The following RARB variants were observed in gnomAD, a reference collection of about 807,000 sequenced individuals.
RARB encodes retinoic acid receptor beta.
In RARB, 17 loss-of-function variants were observed where a neutral mutation model predicts 51.9. The observed-to-expected ratio is 0.33, with a 90% CI of 0.22 to 0.49. The LOEUF (loss-of-function observed/expected upper bound fraction) is 0.49. Ranked by LOEUF, RARB falls within the 20% of genes least tolerant of loss-of-function variation. RARB has a pLI of 0.99. For missense variants in RARB, 369 were observed against 550.8 expected (o/e 0.67, Z 3.30); for synonymous variants, 215 against 195.4 (o/e 1.10, Z -0.84).
chr3:24,936,520 T>C lies in RARB; in HGVS notation c.-380+77768T>C, dbSNP rs1438785970. Among the ~76,000 whole-genome samples, 3 of 152,336 alleles carry C rather than the reference T, an allele frequency of 2.0e-5. No individual in the cohort carries two copies. In the South Asian group the frequency reaches 6.2e-4, roughly 32 times the overall value. On this transcript the variant is annotated intron_variant, in intron 2 of 11. Transcript: ENST00000383772. ...ATCAACTCAAATGACTAATTTGATT[T>C]TCTACTTCTCTTCCTTAATCAGAAT...
chr3:25,207,119 CA>C (rs1701568640), intron 5 of RARB, among the ~76,000 whole-genome samples: 1 of 152,132 alleles, frequency 6.6e-6, no homozygotes, highest in African/African-American at 2.4e-5. Flanking sequence ...TTTTGAAGCT[CA>C]GGGGAAAATG....
At chr3:25,008,367 T>G (rs926710567) in intron 2 of RARB, among the ~76,000 whole-genome samples, 4 of 152,146 alleles carry the variant, frequency 2.6e-5, no homozygotes, top group African/African-American at 9.7e-5. Flanking sequence ...TGAATCACCA[T>G]AAATTTATTT....
At chr3:24,916,829 A>G (rs1160700826) in intron 2 of RARB, among the ~76,000 whole-genome samples, 1 of 151,746 alleles carries the variant, frequency 6.6e-6, no homozygotes, top group Non-Finnish European at 1.5e-5. Flanking sequence ...CAAAATGGGA[A>G]ACAGGCCAGG....
intron 2 of RARB, among the ~76,000 whole-genome samples, chr3:24,921,287 A>G (rs1695211439): frequency 6.6e-6 from 1 of 152,118 alleles, no homozygotes; most frequent in Admixed American, 6.5e-5. Flanking sequence ...TTTATTCTGT[A>G]GCTGAAAAAA....
chr3:25,506,738 A>G (rs958058900), intron 3 of RARB, among the ~76,000 whole-genome samples: 2 of 152,290 alleles, frequency 1.3e-5, no homozygotes, highest in African/African-American at 4.8e-5. Context: ...TTATTTACAA[A>G]AGCAGATGAA....
rs370162743 is a variant in RARB, at chr3:24,893,561, G to A, written c.-380+34809G>A. Among the ~76,000 whole-genome samples the A allele has an allele frequency of 7.9e-5, 12 of 152,234 alleles. No homozygotes were observed. In the South Asian group the frequency reaches 8.3e-4, roughly 11 times the overall value. On this transcript the variant is annotated intron_variant, in intron 2 of 11. Coordinates refer to the RARB transcript ENST00000383772. ...ATTAAAGACAGGGTCTTGCTTTGTT[G>A]TCTAGGCTGGAGTGCAGTAGATCAT... is the stretch of plus-strand genomic sequence containing the variant.
chr3:24,945,041 G>A (rs1695744680), intron 2 of RARB, among the ~76,000 whole-genome samples: 1 of 152,072 alleles, frequency 6.6e-6, no homozygotes, highest in African/African-American at 2.4e-5. Context: ...ATTCACATGG[G>A]GAACAGTGAC....
At chr3:25,289,651 C>T (rs892793702) in intron 5 of RARB, among the ~76,000 whole-genome samples, 1 of 152,168 alleles carries the variant, frequency 6.6e-6, no homozygotes, top group South Asian at 2.1e-4. Context: ...CTTTCTTCCT[C>T]GTAGTTACTT....
intron 2 of RARB, among the ~76,000 whole-genome samples, chr3:24,913,996 A>G (rs914315540): frequency 9.9e-5 from 15 of 152,224 alleles, no homozygotes; most frequent in African/African-American, 3.4e-4. Context: ...CACACAAGTC[A>G]GCCAGATGCA....
chr3:25,179,644 G>T (rs1251722360), intron 5 of RARB, among the ~76,000 whole-genome samples: 4 of 152,168 alleles, frequency 2.6e-5, no homozygotes, highest in Non-Finnish European at 2.9e-5. Context: ...GCTTAGGGAG[G>T]TCAAAGGCTT....
At chr3:24,902,787 G>A (rs1015742913) in intron 2 of RARB, among the ~76,000 whole-genome samples, 1 of 152,052 alleles carries the variant, frequency 6.6e-6, no homozygotes, top group African/African-American at 2.4e-5. Flanking sequence ...TAATTTGGCT[G>A]GTTTGACAAT....
At chr3:25,050,351 G>A (rs1028927101) in intron 2 of RARB, among the ~76,000 whole-genome samples, 3 of 151,916 alleles carry the variant, frequency 2.0e-5, no homozygotes, top group African/African-American at 7.3e-5. Flanking sequence ...GAAATGGTCA[G>A]TATTTTACCC....
At chr3:25,328,625 G>A (rs1704797846) in intron 5 of RARB, among the ~76,000 whole-genome samples, 1 of 152,220 alleles carries the variant, frequency 6.6e-6, no homozygotes, top group African/African-American at 2.4e-5. Context: ...ACAGAAGACA[G>A]GCAATTTTTG....
At chr3:25,077,292 G>A (rs1698890344) in intron 3 of RARB, among the ~76,000 whole-genome samples, 1 of 152,166 alleles carries the variant, frequency 6.6e-6, no homozygotes, top group African/African-American at 2.4e-5. Flanking sequence ...ATGCTCACAT[G>A]TGTGCAATGT....
chr3:25,339,370 T>C (rs918684379), intron 5 of RARB, among the ~76,000 whole-genome samples: 6 of 152,180 alleles, frequency 3.9e-5, no homozygotes, highest in Non-Finnish European at 5.9e-5. Context: ...GTTTGAACCA[T>C]GTTCAAGTAG....
intron 5 of RARB, among the ~76,000 whole-genome samples, chr3:25,377,537 A>T (rs1229693608): frequency 6.6e-6 from 1 of 152,222 alleles, no homozygotes; most frequent in Non-Finnish European, 1.5e-5. Context: ...GATAAAAATT[A>T]CCAACCAGAG....
intron 3 of RARB, among the ~76,000 whole-genome samples, chr3:25,060,654 A>G (rs960930469): frequency 3.3e-5 from 5 of 151,864 alleles, no homozygotes; most frequent in Non-Finnish European, 7.4e-5. Context: ...TACAGAAGGA[A>G]AAAAATCAAG....
intron 2 of RARB, among the ~76,000 whole-genome samples, chr3:24,917,078 CTT>C (rs1306320965): frequency 6.6e-6 from 1 of 152,116 alleles, no homozygotes; most frequent in Admixed American, 6.5e-5. Flanking sequence ...CACTGTAAAA[CTT>C]TTCAACTTTT....
intron 5 of RARB, among the ~76,000 whole-genome samples, chr3:25,393,472 T>G (rs1387156323): frequency 1.3e-5 from 2 of 152,142 alleles, no homozygotes; most frequent in Admixed American, 1.3e-4. Context: ...TGGTACCCAT[T>G]CTTTGAATTT....
Sources: allele counts gnomAD v4.1 joint callset (sites outside exome capture counted in the v4.1 genomes callset), GRCh38; gene constraint gnomAD v4.1.1; transcripts MANE v1.5; gene names NCBI Gene and HGNC (gene_info 2026-07-23, HGNC 2026-07-21).